The following PRKCA variants were observed in gnomAD, a reference collection of about 807,000 sequenced individuals.
PRKCA encodes protein kinase C alpha type.
Under a neutral mutation model 87.0 loss-of-function variants are expected in PRKCA, and 27 were observed. The ratio of observed to expected loss-of-function variants is 0.31; its 90% CI spans 0.23 to 0.43. The LOEUF (loss-of-function observed/expected upper bound fraction) is 0.43, where lower values mean the gene tolerates loss of function less well. Ranked by LOEUF, PRKCA falls within the 20% of genes least tolerant of loss-of-function variation. PRKCA has a pLI of 1.00. For synonymous variants in PRKCA, 329 were observed against 311.1 expected, an observed-to-expected ratio of 1.06 and a Z score of -0.61; for missense variants, 518 against 852.3, an observed-to-expected ratio of 0.61 and a Z score of 4.88.
At chr17:66,762,518 G>T (rs772132199) in intron 13 of PRKCA, among the ~76,000 whole-genome samples, 1 of 152,142 alleles carries the variant, frequency 6.6e-6, no homozygotes, top group African/African-American at 2.4e-5. Context: ...TCTGCTTCCC[G>T]CTTGTATTCT....
intron 2 of PRKCA, among the ~76,000 whole-genome samples, chr17:66,345,501 C>T (rs1567782089): frequency 2.6e-5 from 4 of 152,166 alleles, no homozygotes; most frequent in African/African-American, 7.2e-5. Flanking sequence ...CCAATAGAGG[C>T]AGCTTCCAGT....
rs183449832 is a variant in PRKCA at position 66,630,702 on chromosome 17, C to T, written c.289-10653C>T. 5.4e-3 allele frequency among the ~76,000 whole-genome samples: 817 copies of T among 152,284 alleles called. 10 individuals carry two copies. The highest frequency in any genetic ancestry group is 4.9e-3 in the Non-Finnish European group (336 of 68,026). The stretch of plus-strand genomic sequence containing the variant: ...AATGAGATTTTGAGGTTGTTTGGTA[C>T]TGCTTTGTTGCTGAGCTAAAATTAC... On this transcript the variant is annotated intron_variant, in intron 3 of 16. Coordinates refer to ENST00000413366, the MANE Select transcript of PRKCA (RefSeq NM_002737.3).
chr17:66,560,762 C>T (rs9901773), intron 3 of PRKCA, among the ~76,000 whole-genome samples: 5,003 of 152,256 alleles, frequency 0.033, 286 homozygotes, highest in African/African-American at 0.11. Flanking sequence ...CTATTACCAG[C>T]GCCACCACTG....
chr17:66,578,155 C>A (rs11654919), intron 3 of PRKCA, among the ~76,000 whole-genome samples: 32,187 of 147,050 alleles, frequency 0.22, 3,781 homozygotes, highest in South Asian at 0.33. Flanking sequence ...CAAAACAAAA[C>A]AAAACAGCCC....
rs192582848 is a variant in PRKCA at position 66,502,375 on chromosome 17, C to T, written c.288+6092C>T. On this transcript the variant is annotated intron_variant, in intron 3 of 16. Transcript: ENST00000413366. Reference sequence around the variant, plus strand: ...TCAGTCTCCTGAGTAGCTGGGACTACGGGCATGCACCACCACACTCGGCTA... The same window carrying T: ...TCAGTCTCCTGAGTAGCTGGGACTATGGGCATGCACCACCACACTCGGCTA... Among the ~76,000 whole-genome samples the T allele has an allele frequency of 3.1e-3, 475 of 151,838 alleles. 3 individuals are homozygous for T. Among genetic ancestry groups the T allele is most frequent in the African/African-American group, 0.011 (437 of 41,412 alleles).
chr17:66,404,771 A>ATTTTTTTTTTTT (rs1445620775), intron 2 of PRKCA, among the ~76,000 whole-genome samples: 1 of 9,530 alleles, frequency 1.0e-4, no homozygotes, highest in Non-Finnish European at 2.5e-4. Flanking sequence ...TTTTTTTTTG[A>ATTTTTTTTTTTT]GACAGCGTTT....
intron 5 of PRKCA, among the ~76,000 whole-genome samples, chr17:66,653,129 C>T (rs929399314): frequency 6.6e-6 from 1 of 152,244 alleles, no homozygotes; most frequent in African/African-American, 2.4e-5. Flanking sequence ...CAGGCAGGTT[C>T]TGGGAACTGT....
intron 3 of PRKCA, among the ~76,000 whole-genome samples, chr17:66,554,749 G>A (rs1359882763): frequency 6.6e-6 from 1 of 152,152 alleles, no homozygotes; most frequent in Non-Finnish European, 1.5e-5. Context: ...TGAAGAGGAG[G>A]CCTCTCCTTG....
At chr17:66,353,312 C>A (rs530087252) in intron 2 of PRKCA, among the ~76,000 whole-genome samples, 1 of 152,260 alleles carries the variant, frequency 6.6e-6, no homozygotes, top group East Asian at 1.9e-4. Flanking sequence ...TGGTAACCTT[C>A]TATTTGGGCT....
intron 2 of PRKCA, among the ~76,000 whole-genome samples, chr17:66,450,360 C>T (rs1307329891): frequency 1.3e-5 from 2 of 152,140 alleles, no homozygotes; most frequent in African/African-American, 2.4e-5. Flanking sequence ...GCAATGGTAC[C>T]GCAGAGGGGT....
chr17:66,569,046 A>G (rs1968985001), intron 3 of PRKCA, among the ~76,000 whole-genome samples: 2 of 152,240 alleles, frequency 1.3e-5, no homozygotes, highest in African/African-American at 4.8e-5. Context: ...TTACAGATAG[A>G]TAGTAGACCT....
chr17:66,419,048 T>C (rs964718886), intron 2 of PRKCA, among the ~76,000 whole-genome samples: 4 of 152,046 alleles, frequency 2.6e-5, no homozygotes, highest in African/African-American at 9.7e-5. Flanking sequence ...CTTGAGCCAC[T>C]GCACCTGGCC....
chr17:66,755,685 A>G (rs1974531874), intron 13 of PRKCA, among the ~76,000 whole-genome samples: 1 of 152,168 alleles, frequency 6.6e-6, no homozygotes, highest in Non-Finnish European at 1.5e-5. Context: ...GCACAGAAAA[A>G]GTACAGACTT....
intron 3 of PRKCA, among the ~76,000 whole-genome samples, chr17:66,626,884 T>A (rs1970873064): frequency 6.6e-6 from 1 of 152,210 alleles, no homozygotes; most frequent in Non-Finnish European, 1.5e-5. Context: ...ACATTAGCAG[T>A]TACAGTATTT....
In PRKCA at chr17:66,396,957, CTTTTTTTTTTTTTTT is replaced by C. The variant is rs35135551; in HGVS notation, c.205+90842_205+90856del. ...CAATCATTCAGTCAAACAATCAAGACTTTTTTTTTTTTTTTTTTTTTTTTTTGAGACAGAGTCTGT... is the reference window on the plus strand; with the variant it reads ...CAATCATTCAGTCAAACAATCAAGACTTTTTTTTTTTGAGACAGAGTCTGT... On this transcript the variant is annotated intron_variant, in intron 2 of 16. Coordinates refer to ENST00000413366, the MANE Select transcript of PRKCA (RefSeq NM_002737.3). Among the ~76,000 whole-genome samples the C allele has an allele frequency of 2.1e-4, 11 of 52,136 alleles. 1 individual carries two copies. The highest frequency in any genetic ancestry group is 7.9e-4 in the African/African-American group (11 of 13,848). The allele number at this position is 52,136 out of a possible 152,430, so 34.2% of individuals were successfully genotyped here.
intron 2 of PRKCA, among the ~76,000 whole-genome samples, chr17:66,466,991 A>G (rs1469421144): frequency 1.3e-5 from 2 of 152,234 alleles, no homozygotes; most frequent in African/African-American, 2.4e-5. Flanking sequence ...TGAAAGCAAA[A>G]TGATGCTCAT....
chr17:66,549,870 C>T (rs552618806), intron 3 of PRKCA, among the ~76,000 whole-genome samples: 56 of 152,242 alleles, frequency 3.7e-4, no homozygotes, highest in African/African-American at 7.7e-4. Flanking sequence ...ACCTTGGTCC[C>T]AAACAAGAAG....
intron 2 of PRKCA, among the ~76,000 whole-genome samples, chr17:66,372,205 C>T (rs889473510): frequency 2.6e-5 from 4 of 152,128 alleles, no homozygotes; most frequent in East Asian, 1.9e-4. Flanking sequence ...CTGACACAGG[C>T]GGTCTGTGAA....
chr17:66,557,728 T>C (rs1968544279), intron 3 of PRKCA, among the ~76,000 whole-genome samples: 2 of 152,224 alleles, frequency 1.3e-5, no homozygotes, highest in Admixed American at 1.3e-4. Context: ...GCTGCTTTTC[T>C]CTCCATACTT....
Sources: allele counts gnomAD v4.1 joint callset (sites outside exome capture counted in the v4.1 genomes callset), GRCh38; gene constraint gnomAD v4.1.1; transcripts MANE v1.5; gene names NCBI Gene and HGNC (gene_info 2026-07-23, HGNC 2026-07-21).